The following METTL8 variants were observed in gnomAD, a reference collection of about 807,000 sequenced individuals.
METTL8 encodes the protein tRNA N(3)-cytidine methyltransferase METTL8, mitochondrial.
Under a neutral mutation model 48.7 loss-of-function variants are expected in METTL8, and 32 were observed. That is an observed-to-expected ratio of 0.66 (90% confidence interval 0.50 to 0.88). The LOEUF (loss-of-function observed/expected upper bound fraction) is 0.88, where lower values mean the gene tolerates loss of function less well. Among genes scored for constraint, METTL8 ranks in the 40% least tolerant of loss-of-function variants. The pLI is 0.00. For synonymous variants in METTL8, 136 were observed against 157.1 expected, an observed-to-expected ratio of 0.87 and a Z score of 1.01; for missense variants, 464 against 474.4, an observed-to-expected ratio of 0.98 and a Z score of 0.20.
chr2:171,356,952 A>ATGTTTTTTTTTTTTTTTTTT lies in METTL8; in HGVS notation c.235+3469_235+3470insAAAAAAAAAAAAAAAAAACA. On this transcript the variant is annotated intron_variant, in intron 3 of 9. Transcript: ENST00000375258. ...CAAATTAGCCTTGTTCAAAGACAATATTTTTTTTTTTTTTTTTGAGACAGG... is the reference window on the plus strand; with the variant it reads ...CAAATTAGCCTTGTTCAAAGACAATATGTTTTTTTTTTTTTTTTTTTTTTTTTTTTTTTTTTTGAGACAGG... Among the ~76,000 whole-genome samples the ATGTTTTTTTTTTTTTTTTTT allele has an allele frequency of 4.7e-3, 372 of 78,472 alleles. 125 individuals carry two copies. Among genetic ancestry groups the ATGTTTTTTTTTTTTTTTTTT allele is most frequent in the South Asian group, 9.4e-3 (18 of 1,914 alleles). 51.5% of individuals were successfully genotyped at this position (78,472 alleles called of 152,430 possible).
intron 4 of METTL8, 150 bp from the exon 5 acceptor site, chr2:171,337,652 T>C (rs1441564798): frequency 3.3e-6 from 2 of 603,116 alleles, no homozygotes; most frequent in Middle Eastern, 3.8e-4. Flanking sequence ...ATGAAATAAA[T>C]CACAGGAATA....
chr2:171,419,168 C>T (rs1369602422), intron 1 of METTL8, among the ~76,000 whole-genome samples: 4 of 152,146 alleles, frequency 2.6e-5, no homozygotes, highest in Non-Finnish European at 5.9e-5. Context: ...GCCATTTCTA[C>T]AAAGAATCTT....
intron 2 of METTL8, among the ~76,000 whole-genome samples, chr2:171,365,188 G>A (rs1685589139): frequency 6.6e-6 from 1 of 152,114 alleles, no homozygotes; most frequent in African/African-American, 2.4e-5. Context: ...CATTCCACAG[G>A]TTGCTCGGGG....
chr2:171,419,768 C>T (rs59318451), intron 1 of METTL8, among the ~76,000 whole-genome samples: 8,459 of 151,980 alleles, frequency 0.056, 264 homozygotes, highest in African/African-American at 0.072. Context: ...AAATTCTGAA[C>T]ATGTTAAATT....
chr2:171,323,212 G>A lies in METTL8; in HGVS notation c.*960C>T, dbSNP rs571657765. 1 of 141,208 alleles carries A rather than the reference G, an allele frequency of 7.1e-6. No homozygotes were observed. Among genetic ancestry groups the A allele is most frequent in the African/African-American group, 2.6e-5 (1 of 38,548 alleles). 8.7% of individuals were successfully genotyped at this position (141,208 alleles called of 1,614,324 possible). A position where few individuals can be genotyped will look rare whatever the true frequency, so the allele number is the denominator to read the frequency against. On this transcript the variant is annotated 3_prime_UTR_variant, in exon 10 of 10. Coordinates refer to ENST00000375258, the MANE Select transcript of METTL8 (RefSeq NM_001321154.2). ...TCAAAAGCCCTTGATACAAGAGCTTGTCAGCTTACATACCTTTTTTTTTTT... is the reference window on the plus strand; with the variant it reads ...TCAAAAGCCCTTGATACAAGAGCTTATCAGCTTACATACCTTTTTTTTTTT...
chr2:171,396,984 T>C (rs981186382), intron 1 of METTL8, among the ~76,000 whole-genome samples: 2 of 150,228 alleles, frequency 1.3e-5, no homozygotes, highest in African/African-American at 2.5e-5. Context: ...CCACCACACC[T>C]GGCTACTTTT....
At chr2:171,363,369 G>A (rs1375613445) in intron 2 of METTL8, among the ~76,000 whole-genome samples, 1 of 151,890 alleles carries the variant, frequency 6.6e-6, no homozygotes, top group Non-Finnish European at 1.5e-5. Context: ...AAACCCAACA[G>A]CTGACAATAA....
chr2:171,402,879 TCA>T (rs1156924086), intron 1 of METTL8, among the ~76,000 whole-genome samples: 10 of 152,084 alleles, frequency 6.6e-5, no homozygotes, highest in African/African-American at 2.4e-4. Context: ...GAGGGTATTG[TCA>T]AAAGGACACA....
chr2:171,380,118 C>T (rs1185176910), intron 2 of METTL8, among the ~76,000 whole-genome samples: 5 of 152,176 alleles, frequency 3.3e-5, no homozygotes, highest in Non-Finnish European at 7.3e-5. Context: ...AAGCATAATC[C>T]ATCACATAAA....
chr2:171,337,906 C>T (rs1284177200), intron 4 of METTL8, among the ~76,000 whole-genome samples: 1 of 151,476 alleles, frequency 6.6e-6, no homozygotes, highest in African/African-American at 2.4e-5. Flanking sequence ...CAAAGAAACG[C>T]ATATTAAAAC....
intron 1 of METTL8, among the ~76,000 whole-genome samples, chr2:171,408,347 T>C (rs1014334169): frequency 3.3e-5 from 5 of 149,410 alleles, no homozygotes; most frequent in Admixed American, 1.4e-4. Context: ...CAGGCTGGAG[T>C]GCAATGGCAA....
intron 3 of METTL8, among the ~76,000 whole-genome samples, chr2:171,350,365 A>T (rs569944467): frequency 2.0e-4 from 30 of 152,246 alleles, no homozygotes; most frequent in African/African-American, 3.1e-4. Context: ...TCTATCACTG[A>T]TGGACATTTG....
intron 3 of METTL8, among the ~76,000 whole-genome samples, chr2:171,357,698 CTCTT>C (rs1161577669): frequency 6.6e-6 from 1 of 151,360 alleles, no homozygotes; most frequent in East Asian, 1.9e-4. Context: ...ATTTTTCTCT[CTCTT>C]TTTTTTTTTT....
chr2:171,382,013 A>G (rs1430741762), intron 2 of METTL8, among the ~76,000 whole-genome samples: 1 of 152,036 alleles, frequency 6.6e-6, no homozygotes, highest in Admixed American at 6.5e-5. Context: ...CAACCTCCTG[A>G]CCTCATGATT....
intron 1 of METTL8, chr2:171,433,128 G>C (rs1559238232): frequency 6.6e-6 from 1 of 152,156 alleles, no homozygotes; most frequent in Non-Finnish European, 1.5e-5. Context: ...TCCATCGCAG[G>C]GAGCACTCAC....
rs547367063 is a variant in METTL8, at chr2:171,355,910, G to A, written c.235+4512C>T. Among the ~76,000 whole-genome samples, 35 of 152,252 alleles carry A rather than the reference G, an allele frequency of 2.3e-4. No homozygotes were observed. In the South Asian group the frequency reaches 4.6e-3, roughly 20 times the overall value. ...GAAAGGGAATTCCCGGAACCCTTGC[G>A]CTTCCCGGGTGAGGTGATGCCTTGC... On this transcript the variant is annotated intron_variant, in intron 3 of 9. Transcript: ENST00000375258.
At chr2:171,384,320 C>A (rs1242220620) in intron 2 of METTL8, among the ~76,000 whole-genome samples, 1 of 152,052 alleles carries the variant, frequency 6.6e-6, no homozygotes, top group South Asian at 2.1e-4. Context: ...CCAGCATGGG[C>A]AACATGGTGA....
At chr2:171,347,686 A>G (rs1451520196) in intron 3 of METTL8, among the ~76,000 whole-genome samples, 1 of 152,228 alleles carries the variant, frequency 6.6e-6, no homozygotes, top group Non-Finnish European at 1.5e-5. Flanking sequence ...AAGCTTGAGT[A>G]ATGTGGAAAA....
At chr2:171,341,096 G>A (rs1283605363) in intron 3 of METTL8, among the ~76,000 whole-genome samples, 3 of 152,012 alleles carry the variant, frequency 2.0e-5, no homozygotes, top group South Asian at 2.1e-4. Context: ...TTGGGAGGCC[G>A]AGGCGGGCGG....
Sources: allele counts gnomAD v4.1 joint callset (sites outside exome capture counted in the v4.1 genomes callset), GRCh38; gene constraint gnomAD v4.1.1; transcripts MANE v1.5; gene names NCBI Gene and HGNC (gene_info 2026-07-23, HGNC 2026-07-21).